The following ABCA13 variants were observed in gnomAD, a reference collection of about 807,000 sequenced individuals.
ABCA13 encodes the protein ATP-binding cassette sub-family A member 13.
In ABCA13, 476 loss-of-function variants were observed where a neutral mutation model predicts 478.7. That is an observed-to-expected ratio of 0.99 (90% CI 0.92 to 1.07). ABCA13 has a LOEUF of 1.07. ABCA13 is among the 50% of genes least tolerant of loss of function. The pLI is 0.00. For missense variants in ABCA13, 6,060 were observed against 5,910.6 expected, an observed-to-expected ratio of 1.03 and a Z score of -0.83; for synonymous variants, 2,252 against 2,158.9, an observed-to-expected ratio of 1.04 and a Z score of -1.20.
chr7:48,626,871 A>C (rs1206710295), intron 59 of ABCA13: 1 of 985,304 alleles, frequency 1.0e-6, no homozygotes, highest in African/African-American at 1.7e-5. Context: ...AATTCCTACG[A>C]GGAAGGGCTG....
At chr7:48,580,181 T>A (rs1300975123) in intron 55 of ABCA13, 43 bp from the exon 56 acceptor site, 2 of 1,533,846 alleles carry the variant, frequency 1.3e-6, no homozygotes, top group Non-Finnish European at 1.7e-6. Flanking sequence ...TGGTGCCAGT[T>A]TGGGAAACTG....
At chr7:48,589,726 C>A (rs1789539659) in intron 57 of ABCA13, among the ~76,000 whole-genome samples, 1 of 152,096 alleles carries the variant, frequency 6.6e-6, no homozygotes, top group African/African-American at 2.4e-5. Flanking sequence ...TCTGGGAAGT[C>A]CAAGATCAAG....
chr7:48,328,776 A>G (rs879289804), intron 27 of ABCA13, among the ~76,000 whole-genome samples: 3 of 152,210 alleles, frequency 2.0e-5, no homozygotes, highest in Non-Finnish European at 4.4e-5. Context: ...TAAACAAATG[A>G]AAAGATGCTC....
chr7:48,412,615 T>G (rs929525243), intron 41 of ABCA13, 32 bp downstream of exon 41: 4 of 1,547,048 alleles, frequency 2.6e-6, no homozygotes, highest in Non-Finnish European at 3.5e-6. Context: ...GCTTTAATTA[T>G]TTATGCCTTT....
chr7:48,389,738 A>G (rs954823904), intron 37 of ABCA13, among the ~76,000 whole-genome samples: 1 of 152,228 alleles, frequency 6.6e-6, no homozygotes, highest in Non-Finnish European at 1.5e-5. Flanking sequence ...TTAAAGAATC[A>G]AATCATGTGC....
Position 48,520,319 on chromosome 7 carries a change from G to T in ABCA13, c.14051+25G>T, listed in dbSNP as rs1180453513. 2.5e-6 allele frequency: 4 copies of T among 1,580,814 alleles called. No homozygotes were observed. The East Asian group carries it at 9.0e-5, about 36-fold the overall frequency. ...GGTGGGTTCTGAAGGACTCATCCTCGAGCTGCACTTACTCCTGCAAAATGA... is the reference window on the plus strand; with the variant it reads ...GGTGGGTTCTGAAGGACTCATCCTCTAGCTGCACTTACTCCTGCAAAATGA... On this transcript the variant is annotated intron_variant, in intron 53 of 61. Coordinates refer to ENST00000435803, the MANE Select transcript of ABCA13 (RefSeq NM_152701.5).
intron 42 of ABCA13, among the ~76,000 whole-genome samples, chr7:48,435,288 A>G (rs1261963162): frequency 1.3e-5 from 2 of 151,630 alleles, no homozygotes; most frequent in Admixed American, 6.6e-5. Flanking sequence ...TGATTTTCTT[A>G]ATTTCTGTTT....
intron 60 of ABCA13, 79 bp downstream of exon 60, chr7:48,643,472 A>G (rs1240541108): frequency 3.9e-6 from 5 of 1,266,312 alleles, no homozygotes; most frequent in African/African-American, 1.5e-5. Flanking sequence ...TTTTGTTTTT[A>G]TTCTATGCTG....
intron 7 of ABCA13, among the ~76,000 whole-genome samples, chr7:48,231,231 A>G (rs1789029956): frequency 6.6e-6 from 1 of 152,156 alleles, no homozygotes; most frequent in South Asian, 2.1e-4. Context: ...GGAGAGAGAT[A>G]TGTCAATAAT....
intron 55 of ABCA13, among the ~76,000 whole-genome samples, chr7:48,545,074 A>G (rs1219201822): frequency 6.6e-6 from 1 of 151,842 alleles, no homozygotes; most frequent in Non-Finnish European, 1.5e-5. Flanking sequence ...ATTCCAGAGT[A>G]ATTGCTTGTG....
intron 53 of ABCA13, among the ~76,000 whole-genome samples, 161 bp downstream of exon 53, chr7:48,520,455 T>C (rs1832466446): frequency 6.6e-6 from 1 of 152,202 alleles, no homozygotes; most frequent in Admixed American, 6.5e-5. Context: ...CATTGATTGG[T>C]GTCAGTCACC....
At position 48,239,318 on chromosome 7, in the gene ABCA13, G is replaced by A; in HGVS notation, c.975G>A (p.Trp325Ter). 1 of 1,613,928 alleles carries A rather than the reference G, an allele frequency of 6.2e-7. No individual in the cohort carries two copies. The highest frequency in any genetic ancestry group is 8.5e-7 in the Non-Finnish European group (1 of 1,179,858). The change falls in exon 9 of 62, where the codon TGG becomes TGA. Residue 325 changes from tryptophan (W) to a stop codon, truncating the protein, a stop_gained. Coordinates refer to ENST00000435803, the MANE Select transcript of ABCA13 (RefSeq NM_152701.5). LOFTEE classifies it high-confidence loss of function. ...SSTSEDEAEK[W>*]GHVGGCHPKW... ...CATCAGAGGATGAAGCTGAGAAATGGGGCCACGTTGGAGGCTGCCACCCTA... is the reference window on the plus strand; with the variant it reads ...CATCAGAGGATGAAGCTGAGAAATGAGGCCACGTTGGAGGCTGCCACCCTA...
chr7:48,255,614 C>T (rs1793261451), intron 15 of ABCA13, among the ~76,000 whole-genome samples: 1 of 152,182 alleles, frequency 6.6e-6, no homozygotes. Context: ...CCAGCTACAT[C>T]CATGTTACTG....
chr7:48,631,467 G>A (rs1242026604), intron 59 of ABCA13, among the ~76,000 whole-genome samples: 1 of 151,954 alleles, frequency 6.6e-6, no homozygotes, highest in African/African-American at 2.4e-5. Flanking sequence ...AGTTGTAGGT[G>A]TACAATTTTA....
chr7:48,617,092 TAAAC>T (rs1474567206), intron 59 of ABCA13, among the ~76,000 whole-genome samples: 2 of 152,170 alleles, frequency 1.3e-5, no homozygotes, highest in Non-Finnish European at 2.9e-5. Context: ...AAACCTATAA[TAAAC>T]AAACACATGA....
intron 51 of ABCA13, among the ~76,000 whole-genome samples, chr7:48,513,180 G>A (rs1831840984): frequency 6.6e-6 from 1 of 152,152 alleles, no homozygotes; most frequent in Non-Finnish European, 1.5e-5. Flanking sequence ...AGGACCTATG[G>A]GTACACGGAG....
At chr7:48,547,879 A>C (rs1463550128) in intron 55 of ABCA13, among the ~76,000 whole-genome samples, 4 of 151,878 alleles carry the variant, frequency 2.6e-5, no homozygotes, top group Non-Finnish European at 5.9e-5. Flanking sequence ...GGTGCAATAA[A>C]TGCATCTTCA....
At chr7:48,534,214 T>G (rs1333171882) in intron 55 of ABCA13, among the ~76,000 whole-genome samples, 4 of 152,198 alleles carry the variant, frequency 2.6e-5, no homozygotes, top group African/African-American at 4.8e-5. Flanking sequence ...AAAGACTGTA[T>G]CTTTCCTTCA....
At chr7:48,221,187 T>A (rs1368679021) in intron 4 of ABCA13, 94 bp from the exon 5 acceptor site, 1 of 632,654 alleles carries the variant, frequency 1.6e-6, no homozygotes, top group Non-Finnish European at 2.8e-6. Flanking sequence ...GGCTCTTGGA[T>A]ACTCCATTTG....
Sources: gnomAD v4.1 joint callset for allele counts (sites outside exome capture counted in the v4.1 genomes callset) on GRCh38, gnomAD v4.1.1 for gene constraint, MANE v1.5 for transcripts, NCBI Gene and HGNC (gene_info 2026-07-23, HGNC 2026-07-21) for gene names.